The following SMC4 variants were observed in gnomAD, a reference collection of about 807,000 sequenced individuals.
The protein encoded by SMC4 is structural maintenance of chromosomes protein 4.
A neutral mutation model predicts 145.6 loss-of-function variants in SMC4; 87 were observed. The observed-to-expected ratio is 0.60, with a 90% CI of 0.50 to 0.71. The LOEUF (loss-of-function observed/expected upper bound fraction) is 0.71. Among genes scored for constraint, SMC4 ranks in the 30% least tolerant of loss-of-function variants. The pLI is 0.00. For synonymous variants in SMC4, 558 were observed against 500.7 expected, an observed-to-expected ratio of 1.11 and a Z score of -1.53; for missense variants, 1,447 against 1,537.1, an observed-to-expected ratio of 0.94 and a Z score of 0.98.
At chr3:160,426,891 C>G (rs1263239572) in intron 17 of SMC4, among the ~76,000 whole-genome samples, 1 of 152,120 alleles carries the variant, frequency 6.6e-6, no homozygotes, top group Non-Finnish European at 1.5e-5. Flanking sequence ...GCAAACACAG[C>G]AAGGTTCATT....
chr3:160,431,576 T>G, intron 20 of SMC4, 67 bp from the exon 21 acceptor site: 1 of 1,202,338 alleles, frequency 8.3e-7, no homozygotes, highest in Non-Finnish European at 1.2e-6. Context: ...TGTCATATTT[T>G]TTTTTAAACA....
chr3:160,412,917 TAGC>T, intron 7 of SMC4: 1 of 543,642 alleles, frequency 1.8e-6, no homozygotes, highest in Non-Finnish European at 2.4e-6. Flanking sequence ...ATTCGTGTAA[TAGC>T]AGATCTGATT....
intron 6 of SMC4, 43 bp from the exon 7 acceptor site, chr3:160,412,283 A>G (rs775858567): frequency 2.6e-6 from 4 of 1,545,604 alleles, no homozygotes; most frequent in East Asian, 2.3e-5. Flanking sequence ...CATATTGTAC[A>G]TATGAAGTGT....
chr3:160,421,992 A>G (rs1717233982), intron 13 of SMC4, among the ~76,000 whole-genome samples: 1 of 152,112 alleles, frequency 6.6e-6, no homozygotes, highest in Non-Finnish European at 1.5e-5. Context: ...ATACAGCTAC[A>G]TTTACTTAGC....
At position 160,434,021 on chromosome 3, in the gene SMC4, CTA is replaced by C. The variant is rs1718720673; in HGVS notation, c.*214_*215del. 2.7e-6 allele frequency: 1 copy of C among 374,446 alleles called. No homozygotes were observed. The highest frequency in any genetic ancestry group is 4.7e-6 in the Non-Finnish European group (1 of 210,672). The allele number at this position is 374,446 out of a possible 1,614,324, so 23.2% of individuals were successfully genotyped here. A position where few individuals can be genotyped will look rare whatever the true frequency, so the allele number is the denominator to read the frequency against. On this transcript the variant is annotated 3_prime_UTR_variant, in exon 24 of 24. Coordinates refer to ENST00000357388, the MANE Select transcript of SMC4 (RefSeq NM_001002800.3). ...ATATGACAATCTTGTAAGTAGCAGA[CTA>C]TGGAGAAAAATGAGTTACCTGGAGG... is the stretch of plus-strand genomic sequence containing the variant.
At position 160,416,396 on chromosome 3, in the gene SMC4, G is replaced by A. The variant is rs939821547; in HGVS notation, c.1418G>A (p.Gly473Glu). The part of the protein sequence containing the change: ...VMDSLKQETQ[G>E]LQKEKESREK... ...GATAGCCTTAAACAGGAAACACAAG[G>A]GCTTCAGAAAGAAAAAGAAGTAAGT... is the stretch of plus-strand genomic sequence containing the variant. Residue 473 changes from glycine (G) to glutamate (E), a missense_variant, in exon 10 of 24, where the codon GGG becomes GAG. Transcript: ENST00000357388. 3 of 1,490,448 alleles carry A rather than the reference G, an allele frequency of 2.0e-6. No homozygotes were observed. The highest frequency in any genetic ancestry group is 1.8e-6 in the Non-Finnish European group (2 of 1,121,684). 92.3% of individuals were successfully genotyped at this position (1,490,448 alleles called of 1,614,324 possible). A position where few individuals can be genotyped will look rare whatever the true frequency, so the allele number is the denominator to read the frequency against.
intron 14 of SMC4, 22 bp from the exon 15 acceptor site, chr3:160,423,739 A>G: frequency 6.2e-7 from 1 of 1,609,812 alleles, no homozygotes; most frequent in Non-Finnish European, 8.5e-7. Context: ...TCTGAAGCTG[A>G]CTTCTCTCCC....
chr3:160,413,042 TC>T (rs1463202094), intron 7 of SMC4, among the ~76,000 whole-genome samples: 1 of 152,166 alleles, frequency 6.6e-6, no homozygotes, highest in Non-Finnish European at 1.5e-5. Flanking sequence ...CAGTTGATCC[TC>T]CCACCTCCAC....
rs930184833 is a variant in SMC4, at chr3:160,420,770, G to A, written c.1888G>A (p.Asp630Asn). 10 of 1,613,512 alleles carry A rather than the reference G, an allele frequency of 6.2e-6. No individual in the cohort carries two copies. Among genetic ancestry groups the A allele is most frequent in the African/African-American group, 2.7e-5 (2 of 74,884 alleles). ...CTTAGGAGCCATTGATGAAAAATAC[G>A]ACGTGGCTATATCATCCTGTTGTCA... ...GDLGAIDEKY[D>N]VAISSCCHAL... The change falls in exon 13 of 24, where the codon GAC becomes AAC. Residue 630 changes from aspartate to asparagine, a missense_variant. Physicochemically the swap from Asp to Asn is conservative, Grantham distance 23. Coordinates refer to ENST00000357388, the MANE Select transcript of SMC4 (RefSeq NM_001002800.3).
Position 160,400,706 on chromosome 3 carries a change from A to G in SMC4, c.-5-116A>G, listed in dbSNP as rs557683282. 33 of 1,277,284 alleles carry G rather than the reference A, an allele frequency of 2.6e-5. 1 individual carries two copies. In the South Asian group the frequency reaches 4.1e-4, roughly 16 times the overall value. The allele number at this position is 1,277,284 out of a possible 1,614,324, so 79.1% of individuals were successfully genotyped here. ...CCCTTCCCGAAGTCCCGCTGCCTCT[A>G]AGCGGAGTGTTAAGCGGGGCTCTCG... On this transcript the variant is annotated intron_variant, in intron 1 of 23. Coordinates refer to ENST00000357388, the MANE Select transcript of SMC4 (RefSeq NM_001002800.3).
At position 160,434,946 on chromosome 3, in the gene SMC4, G is replaced by C. The variant is rs1222123504; in HGVS notation, c.*1137G>C. On this transcript the variant is annotated 3_prime_UTR_variant, in exon 24 of 24. Coordinates refer to ENST00000357388, the MANE Select transcript of SMC4 (RefSeq NM_001002800.3). ...ATGGACTTTTAAATAAAGATTTAAA[G>C]AAAGCAAGATCGGAAATTCAAGTAC... 1 of 152,110 alleles carries C rather than the reference G, an allele frequency of 6.6e-6. No individual in the cohort carries two copies. Among genetic ancestry groups the C allele is most frequent in the African/African-American group, 2.4e-5 (1 of 41,428 alleles). The allele number at this position is 152,110 out of a possible 1,614,324, so 9.4% of individuals were successfully genotyped here.
At position 160,416,357 on chromosome 3, in the gene SMC4, T is replaced by C. The variant is rs995697037; in HGVS notation, c.1379T>C (p.Leu460Ser). The C allele has an allele frequency of 1.2e-6, 2 of 1,600,512 alleles. No individual in the cohort carries two copies. Among genetic ancestry groups the C allele is most frequent in the Admixed American group, 1.7e-5 (1 of 58,728 alleles). ...EKEKEKEEKK[L>S]KEVMDSLKQE... ...GAAAAAGAGAAAGAAGAAAAAAAAT[T>C]AAAGGAAGTTATGGATAGCCTTAAA... The change falls in exon 10 of 24, where the codon TTA (leucine) becomes TCA (serine). Residue 460 changes from leucine (L) to serine (S), a missense_variant. Transcript: ENST00000357388.
chr3:160,409,715 T>C (rs1475297792), intron 5 of SMC4, among the ~76,000 whole-genome samples: 5 of 152,188 alleles, frequency 3.3e-5, no homozygotes, highest in Non-Finnish European at 1.5e-5. Flanking sequence ...GGGTAGAATA[T>C]TAATTGTCAG....
chr3:160,416,056 T>C (rs560570997), intron 9 of SMC4, among the ~76,000 whole-genome samples, 195 bp from the exon 10 acceptor site: 2 of 152,304 alleles, frequency 1.3e-5, no homozygotes, highest in African/African-American at 4.8e-5. Context: ...GAAGTAGTTT[T>C]ACTATTAGAT....
At chr3:160,411,401 C>G (rs1715978295) in intron 5 of SMC4, among the ~76,000 whole-genome samples, 1 of 152,128 alleles carries the variant, frequency 6.6e-6, no homozygotes, top group African/African-American at 2.4e-5. Context: ...TAAGGAACTC[C>G]TAAAAACCAT....
rs760054281 is a variant in SMC4 at position 160,433,686 on chromosome 3, A to T, written c.3744A>T (p.Ile1248=). The change falls in exon 24 of 24, where the codon ATA becomes ATT. Residue 1248 remains isoleucine, a synonymous_variant. Coordinates refer to ENST00000357388, the MANE Select transcript of SMC4 (RefSeq NM_001002800.3). ...AAACAAAAAATGCACAGTTCATAAT[A>T]ATTTCTCTTCGAAATAATATGTTTG... ...YEQTKNAQFI[I]ISLRNNMFEI... The T allele has an allele frequency of 1.9e-6, 3 of 1,577,856 alleles. No individual in the cohort carries two copies. The highest frequency in any genetic ancestry group is 4.5e-5 in the East Asian group (2 of 44,136).
intron 5 of SMC4, among the ~76,000 whole-genome samples, chr3:160,407,127 G>T (rs1316413482): frequency 6.6e-6 from 1 of 152,158 alleles, no homozygotes. Context: ...CTAAAAAGTT[G>T]TATTAATGAT....
rs146088368 is a variant in SMC4 at position 160,424,922 on chromosome 3, A to C, written c.2381A>C (p.Gln794Pro). 5 of 1,614,038 alleles carry C rather than the reference A, an allele frequency of 3.1e-6. No homozygotes were observed. Among genetic ancestry groups the C allele is most frequent in the Non-Finnish European group, 4.2e-6 (5 of 1,180,030 alleles). ...QNDSKKAMQI[Q>P]EQKVQLEERV... The stretch of plus-strand genomic sequence containing the variant: ...GACTCTAAAAAAGCAATGCAAATCC[A>C]AGAACAGAAAGTACAACTTGAAGAA... Residue 794 changes from glutamine (Q) to proline (P), a missense_variant, in exon 16 of 24, where the codon CAA becomes CCA. Physicochemically the swap from Gln to Pro is moderately conservative, Grantham distance 76. Transcript: ENST00000357388.
intron 16 of SMC4, among the ~76,000 whole-genome samples, chr3:160,425,439 A>G (rs1717690835): frequency 6.6e-6 from 1 of 152,162 alleles, no homozygotes; most frequent in South Asian, 2.1e-4. Context: ...CCTAGTTTGC[A>G]TGTAATGTAT....
Sources: gnomAD v4.1 joint callset for allele counts (sites outside exome capture counted in the v4.1 genomes callset) on GRCh38, gnomAD v4.1.1 for gene constraint, MANE v1.5 for transcripts, NCBI Gene and HGNC (gene_info 2026-07-23, HGNC 2026-07-21) for gene names.